The following TENT4A variants were observed in gnomAD, a reference collection of about 807,000 sequenced individuals.
TENT4A encodes terminal nucleotidyltransferase 4A, also known as DNA polymerase kappa.
Under a neutral mutation model 72.8 loss-of-function variants are expected in TENT4A, and 7 were observed. The observed-to-expected ratio is 0.10, with a 90% CI of 0.05 to 0.18. The LOEUF is 0.18. Ranked by LOEUF, TENT4A falls within the 10% of genes least tolerant of loss-of-function variation. TENT4A has a pLI of 1.00. For synonymous variants in TENT4A, 456 were observed against 434.3 expected (o/e 1.05, Z -0.62); for missense variants, 831 against 1,017.7 (o/e 0.82, Z 2.50).
chr5:6,725,062 C>A (rs916824942), intron 1 of TENT4A, among the ~76,000 whole-genome samples: 1 of 152,376 alleles, frequency 6.6e-6, no homozygotes, highest in East Asian at 1.9e-4. Context: ...TGGCTCACGC[C>A]TGTAATCCCA....
chr5:6,754,881 C>A lies in TENT4A; in HGVS notation c.2315C>A (p.Thr772Asn). ...GNRGHHQYNR[T>N]GWRRKKHTHT... ...AGGGGACACCACCAGTATAACCGCA[C>A]CGGCTGGAGGAGGAAAAAACACACA... The change falls in exon 13 of 13, where the codon ACC (threonine) becomes AAC (asparagine). Residue 772 changes from threonine to asparagine, a missense_variant. Physicochemically the swap from Thr to Asn is moderately conservative, Grantham distance 65. Around this residue, in one of 3 missense-constraint regions of TENT4A, gnomAD observed 332 missense variants for 324.3 expected, o/e 1.02. Transcript: ENST00000230859. The A allele has an allele frequency of 6.2e-7, 1 of 1,607,384 alleles. No homozygotes were observed. The highest frequency in any genetic ancestry group is 8.5e-7 in the Non-Finnish European group (1 of 1,175,166).
chr5:6,726,632 ACT>A (rs1040554844), intron 1 of TENT4A, among the ~76,000 whole-genome samples: 1 of 151,820 alleles, frequency 6.6e-6, no homozygotes, highest in African/African-American at 2.4e-5. Context: ...GATTGGGAGC[ACT>A]CTCCTTGAAT....
At chr5:6,736,176 C>T (rs1741481018) in intron 1 of TENT4A, among the ~76,000 whole-genome samples, 1 of 151,974 alleles carries the variant, frequency 6.6e-6, no homozygotes, top group African/African-American at 2.4e-5. Context: ...TGGAGTCTCT[C>T]GTGTGTGCTT....
intron 1 of TENT4A, among the ~76,000 whole-genome samples, chr5:6,728,362 C>A (rs536496585): frequency 1.8e-3 from 279 of 152,322 alleles, no homozygotes; most frequent in African/African-American, 6.5e-3. Context: ...TCAGCACAGC[C>A]CCCTGGCAGC....
At chr5:6,747,216 A>G (rs1453810845) in intron 7 of TENT4A, among the ~76,000 whole-genome samples, 1 of 152,176 alleles carries the variant, frequency 6.6e-6, no homozygotes, top group Non-Finnish European at 1.5e-5. Flanking sequence ...CGGGTGACAG[A>G]ACAGGTGGTG....
chr5:6,716,294 A>G (rs1740384466), intron 1 of TENT4A, among the ~76,000 whole-genome samples: 1 of 152,188 alleles, frequency 6.6e-6, no homozygotes, highest in Non-Finnish European at 1.5e-5. Context: ...ACACAGTCTC[A>G]TGATCTTGAC....
chr5:6,736,246 T>A lies in TENT4A; in HGVS notation c.717-1264T>A, dbSNP rs1467761048. Among the ~76,000 whole-genome samples, 7 of 152,164 alleles carry A rather than the reference T, an allele frequency of 4.6e-5. 1 individual carries two copies. The highest frequency in any genetic ancestry group is 1.5e-5 in the Non-Finnish European group (1 of 68,022). The stretch of plus-strand genomic sequence containing the variant: ...GAATGCGTACTCCAAATGACTCTTT[T>A]GGCGGGGTGGGAAGTGGCAATACTT... On this transcript the variant is annotated intron_variant, in intron 1 of 12. Coordinates refer to ENST00000230859, the MANE Select transcript of TENT4A (RefSeq NM_006999.6).
chr5:6,729,807 A>G (rs1470884897), intron 1 of TENT4A, among the ~76,000 whole-genome samples: 1 of 151,988 alleles, frequency 6.6e-6, no homozygotes, highest in African/African-American at 2.4e-5. Context: ...AGGACATGTT[A>G]AGCAGGTGGG....
rs944888028 is a variant in TENT4A, at chr5:6,755,569, G to C, written c.*624G>C. 6 of 152,566 alleles carry C rather than the reference G, an allele frequency of 3.9e-5. No homozygotes were observed. Among genetic ancestry groups the C allele is most frequent in the African/African-American group, 9.7e-5 (4 of 41,428 alleles). The allele number at this position is 152,566 out of a possible 1,614,324, so 9.5% of individuals were successfully genotyped here. ...GCTGCATTTTCTAAGTTGGGTCATC[G>C]TGTCGGCTGGTTGTCTGACGAGCAT... On this transcript the variant is annotated 3_prime_UTR_variant, in exon 13 of 13. Transcript: ENST00000230859.
chr5:6,755,610 G>C lies in TENT4A; in HGVS notation c.*665G>C, dbSNP rs1420556698. The C allele has an allele frequency of 6.6e-6, 1 of 152,596 alleles. No homozygotes were observed. Among genetic ancestry groups the C allele is most frequent in the Non-Finnish European group, 1.5e-5 (1 of 68,052 alleles). 9.5% of individuals were successfully genotyped at this position (152,596 alleles called of 1,614,324 possible). A position where few individuals can be genotyped will look rare whatever the true frequency, so the allele number is the denominator to read the frequency against. ...TGACGAGCATCGTTACAAACACCATGATGAGGGGTTTGGGGTTTTATTTTG... is the reference window on the plus strand; with the variant it reads ...TGACGAGCATCGTTACAAACACCATCATGAGGGGTTTGGGGTTTTATTTTG... On this transcript the variant is annotated 3_prime_UTR_variant, in exon 13 of 13. Transcript: ENST00000230859.
At chr5:6,750,184 A>T (rs915846030) in intron 9 of TENT4A, 147 bp from the exon 10 acceptor site, 1 of 492,054 alleles carries the variant, frequency 2.0e-6, no homozygotes, top group South Asian at 5.3e-5. Context: ...TGTAATTTTT[A>T]AAATTAAATT....
intron 1 of TENT4A, among the ~76,000 whole-genome samples, chr5:6,725,946 G>C (rs1740898404): frequency 6.6e-6 from 1 of 152,208 alleles, no homozygotes; most frequent in African/African-American, 2.4e-5. Context: ...CATAAAACAT[G>C]ATGAAAACCT....
chr5:6,737,343 T>C (rs1741560060), intron 1 of TENT4A, among the ~76,000 whole-genome samples, 167 bp from the exon 2 acceptor site: 1 of 152,232 alleles, frequency 6.6e-6, no homozygotes, highest in African/African-American at 2.4e-5. Flanking sequence ...AGTCATACTG[T>C]GTAAGTTTGT....
rs201803738 is a variant in TENT4A, at chr5:6,743,877, A to T, written c.1245+37A>T. On this transcript the variant is annotated intron_variant, in intron 6 of 12. Coordinates refer to ENST00000230859, the MANE Select transcript of TENT4A (RefSeq NM_006999.6). ...TTCTTGAGACTGTTTCTGTTGAGAC[A>T]TGTGTAAGAGTAGACTCTTCCAACC... 2.7e-4 allele frequency: 441 copies of T among 1,606,576 alleles called. 4 individuals are homozygous for T. Among genetic ancestry groups the T allele is most frequent in the Non-Finnish European group, 3.7e-5 (43 of 1,175,070 alleles).
At chr5:6,748,322 C>A (rs372716337) in intron 7 of TENT4A, 142 bp from the exon 8 acceptor site, 1 of 1,103,184 alleles carries the variant, frequency 9.1e-7, no homozygotes. Context: ...CCATTGTGTT[C>A]GCCTGTCTGG....
Position 6,714,041 on chromosome 5 carries a change from T to G in TENT4A, c.58T>G (p.Trp20Gly). The G allele has an allele frequency of 1.0e-6, 1 of 990,750 alleles. No individual in the cohort carries two copies. Among genetic ancestry groups the G allele is most frequent in the Non-Finnish European group, 1.2e-6 (1 of 834,452 alleles). The allele number at this position is 990,750 out of a possible 1,614,324, so 61.4% of individuals were successfully genotyped here. A position where few individuals can be genotyped will look rare whatever the true frequency, so the allele number is the denominator to read the frequency against. Residue 20 changes from tryptophan (W) to glycine (G), a missense_variant, in exon 1 of 13, where the codon TGG becomes GGG. Physicochemically the swap from Trp to Gly is radical, Grantham distance 184 (BLOSUM62 -2). Transcript: ENST00000230859. ...GCAGAAGGGGCCGGCCAATGCCCTG[T>G]GGATGCAGATCTGGGAGACCTCGCA... is the stretch of plus-strand genomic sequence containing the variant. ...PEQKGPANAL[W>G]MQIWETSQGV...
chr5:6,737,980 A>C (rs1579477202), intron 2 of TENT4A, among the ~76,000 whole-genome samples: 1 of 144,564 alleles, frequency 6.9e-6, no homozygotes, highest in East Asian at 2.1e-4. Flanking sequence ...TAAAATTTAG[A>C]AATTTCACCC....
At chr5:6,716,105 G>T (rs563207962) in intron 1 of TENT4A, among the ~76,000 whole-genome samples, 110 of 152,288 alleles carry the variant, frequency 7.2e-4, no homozygotes, top group Middle Eastern at 3.4e-3. Flanking sequence ...TTGTACCTCT[G>T]CTCTTAGAAA....
intron 1 of TENT4A, among the ~76,000 whole-genome samples, chr5:6,725,535 G>T (rs1165294283): frequency 6.6e-6 from 1 of 152,242 alleles, no homozygotes; most frequent in African/African-American, 2.4e-5. Context: ...GTCATCACCA[G>T]TTGTAGAGAG....
Sources: gnomAD v4.1 joint callset for allele counts (sites outside exome capture counted in the v4.1 genomes callset) on GRCh38, gnomAD v4.1.1 for gene constraint, gnomAD v4.1.1 regional missense constraint, MANE v1.5 for transcripts, NCBI Gene and HGNC (gene_info 2026-07-23, HGNC 2026-07-21) for gene names.